The following ACO2 variants were observed in gnomAD, a reference collection of about 807,000 sequenced individuals.
ACO2 encodes aconitate hydratase, mitochondrial.
In ACO2, 31 loss-of-function variants were observed where a neutral mutation model predicts 84.5. The ratio of observed to expected loss-of-function variants is 0.37; its 90% confidence interval spans 0.28 to 0.50. ACO2 has a LOEUF of 0.50. ACO2 is among the 20% of genes least tolerant of loss of function. The pLI, the probability that ACO2 is intolerant of heterozygous loss-of-function variation, is 0.97. For synonymous variants in ACO2, 414 were observed against 412.7 expected, an observed-to-expected ratio of 1.00 and a Z score of -0.04; for missense variants, 685 against 1,029.3, an observed-to-expected ratio of 0.67 and a Z score of 4.58.
At chr22:41,491,202 T>G (rs2066269274) in intron 1 of ACO2, among the ~76,000 whole-genome samples, 2 of 152,132 alleles carry the variant, frequency 1.3e-5, no homozygotes, top group South Asian at 4.2e-4. Flanking sequence ...GGCAGGTCCC[T>G]TTAGAATGTG....
At chr22:41,505,052 G>T (rs2066383179) in intron 2 of ACO2, among the ~76,000 whole-genome samples, 1 of 151,818 alleles carries the variant, frequency 6.6e-6, no homozygotes, top group Non-Finnish European at 1.5e-5. Flanking sequence ...TAAACTTGGG[G>T]GTGAGGGACT....
chr22:41,514,545 C>T (rs1235272950), intron 4 of ACO2, among the ~76,000 whole-genome samples: 1 of 152,210 alleles, frequency 6.6e-6, no homozygotes, highest in African/African-American at 2.4e-5. Flanking sequence ...TACAGGACGC[C>T]TGGCTCAGGG....
chr22:41,495,709 C>T (rs1017548552), intron 1 of ACO2, among the ~76,000 whole-genome samples: 2 of 151,570 alleles, frequency 1.3e-5, no homozygotes, highest in Non-Finnish European at 2.9e-5. Flanking sequence ...CAAGCTCCAC[C>T]TCCTGGGTTC....
intron 1 of ACO2, among the ~76,000 whole-genome samples, chr22:41,489,815 T>C (rs1378841501): frequency 6.6e-6 from 1 of 152,036 alleles, no homozygotes; most frequent in Non-Finnish European, 1.5e-5. Flanking sequence ...ATTTTTTTTT[T>C]CCTTTTCCTT....
Position 41,517,583 on chromosome 22 carries a change from C to T in ACO2, c.892C>T (p.Pro298Ser). 1.9e-6 allele frequency: 3 copies of T among 1,614,106 alleles called. No individual in the cohort carries two copies. Among genetic ancestry groups the T allele is most frequent in the Non-Finnish European group, 2.5e-6 (3 of 1,180,034 alleles). ...AATTGGGGCCACCACTTCCGTGTTC[C>T]CTTACAACCACAGGATGAAGAAGTA... ...AEIGATTSVF[P>S]YNHRMKKYLS... Residue 298 changes from proline to serine, a missense_variant, in exon 7 of 18, where the codon CCT (proline) becomes TCT (serine). Coordinates refer to ENST00000216254, the MANE Select transcript of ACO2 (RefSeq NM_001098.3).
intron 4 of ACO2, 26 bp downstream of exon 4, chr22:41,511,994 C>T: frequency 6.3e-7 from 1 of 1,577,156 alleles, no homozygotes; most frequent in Non-Finnish European, 8.6e-7. Flanking sequence ...GTCTGCCGTC[C>T]CAAGGGCCCA....
chr22:41,498,334 T>C (rs115220961), intron 1 of ACO2, among the ~76,000 whole-genome samples: 2,222 of 152,148 alleles, frequency 0.015, 53 homozygotes, highest in Admixed American at 0.058. Flanking sequence ...AATTAACTAA[T>C]ACAGATCCCA....
intron 4 of ACO2, among the ~76,000 whole-genome samples, chr22:41,514,223 G>A (rs1242702586): frequency 6.6e-6 from 1 of 152,152 alleles, no homozygotes; most frequent in Non-Finnish European, 1.5e-5. Flanking sequence ...GGTCCTGAGA[G>A]TTCACAGAGC....
At chr22:41,474,187 G>C (rs1043744234) in intron 1 of ACO2, among the ~76,000 whole-genome samples, 1 of 152,006 alleles carries the variant, frequency 6.6e-6, no homozygotes, top group African/African-American at 2.4e-5. Flanking sequence ...ATGGGTTGGC[G>C]CATGGGAGGG....
At chr22:41,517,455 G>T in intron 6 of ACO2, 72 bp from the exon 7 acceptor site, 1 of 1,214,202 alleles carries the variant, frequency 8.2e-7, no homozygotes, top group Non-Finnish European at 1.2e-6. Context: ...GAAGATGCAG[G>T]TGGCCGCGTA....
At chr22:41,525,087 G>C in intron 13 of ACO2, 106 bp from the exon 14 acceptor site, 2 of 1,597,340 alleles carry the variant, frequency 1.3e-6, no homozygotes, top group South Asian at 1.1e-5. Flanking sequence ...AAGCAGCTCT[G>C]TTCCCTGGGA....
In ACO2 at chr22:41,515,856, A is replaced by T. The variant is rs751703387; in HGVS notation, c.774A>T (p.Lys258Asn). The T allele has an allele frequency of 2.5e-6, 4 of 1,614,198 alleles. No homozygotes were observed. The highest frequency in any genetic ancestry group is 3.4e-6 in the Non-Finnish European group (4 of 1,180,046). The stretch of plus-strand genomic sequence containing the variant: ...AGGTGGCAGGCATCCTCACGGTGAA[A>T]GGTGGCACAGGTGCAATCGTGGAAT... Reference protein sequence around the residue: ...ILKVAGILTVKGGTGAIVEYH... With the variant: ...ILKVAGILTVNGGTGAIVEYH... The change falls in exon 6 of 18, where the codon AAA becomes AAT. Residue 258 changes from lysine to asparagine, a missense_variant. This residue lies in a region of ACO2 where 311 missense variants were observed against 441.6 expected (regional missense o/e 0.70). Transcript: ENST00000216254. This position sits in a 1 kb window ranked among gnomAD's most constrained non-coding sequence, Gnocchi z 5.8.
chr22:41,528,371 T>TTA, intron 17 of ACO2, 108 bp from the exon 18 acceptor site: 2 of 1,482,074 alleles, frequency 1.3e-6, no homozygotes, highest in Non-Finnish European at 1.8e-6. Context: ...TTGGTTTGCC[T>TTA]GCTGACCTCT....
chr22:41,483,227 C>A (rs752280390), intron 1 of ACO2, among the ~76,000 whole-genome samples: 2 of 152,256 alleles, frequency 1.3e-5, no homozygotes, highest in East Asian at 3.9e-4. Context: ...TTCCCGTTTC[C>A]CAGTTTTGGG....
chr22:41,515,871 A>C lies in ACO2; in HGVS notation c.789A>C (p.Ala263=). Residue 263 remains alanine, a synonymous_variant, in exon 6 of 18, where the codon GCA becomes GCC. Coordinates refer to ENST00000216254, the MANE Select transcript of ACO2 (RefSeq NM_001098.3). This position sits in a 1 kb window ranked among gnomAD's most constrained non-coding sequence, Gnocchi z 5.8. ...TCACGGTGAAAGGTGGCACAGGTGC[A>C]ATCGTGGAATACCACGGGCCTGGTG... The part of the protein sequence containing the change: ...GILTVKGGTG[A]IVEYHGPGVD... The C allele has an allele frequency of 6.2e-7, 1 of 1,614,252 alleles. No homozygotes were observed. Among genetic ancestry groups the C allele is most frequent in the Admixed American group, 1.7e-5 (1 of 60,036 alleles).
chr22:41,473,697 T>C (rs977920183), intron 1 of ACO2, among the ~76,000 whole-genome samples: 4 of 152,082 alleles, frequency 2.6e-5, no homozygotes, highest in Non-Finnish European at 5.9e-5. Context: ...GAACATGGCA[T>C]TTTTAACTGG....
chr22:41,489,270 C>T (rs2146094145), intron 1 of ACO2, among the ~76,000 whole-genome samples: 1 of 152,274 alleles, frequency 6.6e-6, no homozygotes, highest in Non-Finnish European at 1.5e-5. Context: ...TCTCAAACTC[C>T]TGGGCTCAAA....
In ACO2 at chr22:41,525,375, G is replaced by A. The variant is rs1422642212; in HGVS notation, c.1761+27G>A. ...TCAGCAGCATGGGGACGGCAGGACAGCCCCACCCTGCCAGGGCCCCCCGTC... is the reference window on the plus strand; with the variant it reads ...TCAGCAGCATGGGGACGGCAGGACAACCCCACCCTGCCAGGGCCCCCCGTC... On this transcript the variant is annotated intron_variant, in intron 14 of 17. Transcript: ENST00000216254. 1.9e-6 allele frequency: 3 copies of A among 1,610,362 alleles called. No homozygotes were observed. The African/African-American group carries it at 4.0e-5, about 22-fold the overall frequency.
chr22:41,526,167 TGGGCCCCG>T, intron 14 of ACO2, 87 bp from the exon 15 acceptor site: 1 of 1,169,054 alleles, frequency 8.6e-7, no homozygotes, highest in South Asian at 1.5e-5. Flanking sequence ...TCACCCCTCC[TGGGCCCCG>T]GGGCCTGCTG....
Sources: gnomAD v4.1 joint callset for allele counts (sites outside exome capture counted in the v4.1 genomes callset) on GRCh38, gnomAD v4.1.1 for gene constraint, gnomAD v4.1.1 regional missense constraint, Gnocchi (gnomAD v3.1) non-coding constraint, MANE v1.5 for transcripts, NCBI Gene and HGNC (gene_info 2026-07-23, HGNC 2026-07-21) for gene names.